Variants in PDZRN4 observed in about 807,000 individuals in gnomAD.
PDZRN4 encodes PDZ domain-containing RING finger protein 4.
A neutral mutation model predicts 99.0 loss-of-function variants in PDZRN4; 70 were observed. The ratio of observed to expected loss-of-function variants is 0.71; its 90% CI spans 0.58 to 0.86. The LOEUF is 0.86. Ranked by LOEUF, PDZRN4 falls within the 40% of genes least tolerant of loss-of-function variation. The pLI is 0.00. For missense variants in PDZRN4, 1,474 were observed against 1,331.2 expected, an observed-to-expected ratio of 1.11 and a Z score of -1.67; for synonymous variants, 551 against 501.6, an observed-to-expected ratio of 1.10 and a Z score of -1.32.
At chr12:41,455,010 A>G (rs1219559456) in intron 3 of PDZRN4, among the ~76,000 whole-genome samples, 1 of 152,246 alleles carries the variant, frequency 6.6e-6, no homozygotes, top group Non-Finnish European at 1.5e-5. Context: ...CAGTTGCCAC[A>G]TGTGGCTAGA....
chr12:41,571,632 A>AAAC (rs1939481834), intron 9 of PDZRN4, among the ~76,000 whole-genome samples: 1 of 152,108 alleles, frequency 6.6e-6, no homozygotes, highest in African/African-American at 2.4e-5. Context: ...TGCTTTTGAG[A>AAAC]AACATGATTT....
intron 5 of PDZRN4, among the ~76,000 whole-genome samples, chr12:41,538,298 T>C (rs1298027334): frequency 6.6e-6 from 1 of 152,308 alleles, no homozygotes; most frequent in East Asian, 1.9e-4. Context: ...AAGAATGAGG[T>C]TATGTTTTAC....
At chr12:41,394,837 CGA>C (rs141770387) in intron 3 of PDZRN4, among the ~76,000 whole-genome samples, 5 of 148,850 alleles carry the variant, frequency 3.4e-5, no homozygotes, top group Admixed American at 6.7e-5. Context: ...AAAGAGAGGG[CGA>C]GAGAGAGAGA....
At chr12:41,255,457 G>A (rs888169233) in intron 3 of PDZRN4, among the ~76,000 whole-genome samples, 1 of 151,846 alleles carries the variant, frequency 6.6e-6, no homozygotes, top group Non-Finnish European at 1.5e-5. Flanking sequence ...TTTTTGGTAA[G>A]GGTAGTAGGA....
At chr12:41,265,287 A>T (rs1189616276) in intron 3 of PDZRN4, among the ~76,000 whole-genome samples, 1 of 152,206 alleles carries the variant, frequency 6.6e-6, no homozygotes, top group African/African-American at 2.4e-5. Flanking sequence ...TAAATGCAAG[A>T]CTTCTACTGG....
intron 3 of PDZRN4, among the ~76,000 whole-genome samples, chr12:41,353,733 T>C (rs1951907819): frequency 6.6e-6 from 1 of 152,100 alleles, no homozygotes; most frequent in Non-Finnish European, 1.5e-5. Context: ...ATTTTCTAAA[T>C]CAATTCTCTT....
chr12:41,205,557 C>A (rs1950843540), intron 3 of PDZRN4, among the ~76,000 whole-genome samples: 1 of 152,024 alleles, frequency 6.6e-6, no homozygotes, highest in Non-Finnish European at 1.5e-5. Flanking sequence ...GGACTTCTCA[C>A]TGGAATTCTC....
intron 3 of PDZRN4, among the ~76,000 whole-genome samples, chr12:41,243,289 A>G (rs1951112184): frequency 6.6e-6 from 1 of 152,210 alleles, no homozygotes; most frequent in Admixed American, 6.5e-5. Context: ...TTTTACACAG[A>G]CATTACCCTT....
intron 3 of PDZRN4, among the ~76,000 whole-genome samples, chr12:41,447,146 T>C (rs990743958): frequency 2.0e-5 from 3 of 152,076 alleles, no homozygotes; most frequent in African/African-American, 7.2e-5. Context: ...TCATAGAATA[T>C]GTATAAATAT....
At chr12:41,285,405 C>T (rs113779064) in intron 3 of PDZRN4, among the ~76,000 whole-genome samples, 2,461 of 152,026 alleles carry the variant, frequency 0.016, 66 homozygotes, top group African/African-American at 0.057. Context: ...ACACTGTTGA[C>T]GAGAGTGTAA....
rs546813937 is a variant in PDZRN4 at position 41,387,148 on chromosome 12, C to T, written c.844-119308C>T. 8.5e-5 allele frequency among the ~76,000 whole-genome samples: 13 copies of T among 152,238 alleles called. No individual in the cohort carries two copies. The East Asian group carries it at 2.5e-3, about 29-fold the overall frequency. On this transcript the variant is annotated intron_variant, in intron 3 of 9. Transcript: ENST00000402685. Reference sequence around the variant, plus strand: ...ATCTAATTAAACTAAAGAGCTTCTGCACAGCAAAATGAACTATCAACAGAG... The same window carrying T: ...ATCTAATTAAACTAAAGAGCTTCTGTACAGCAAAATGAACTATCAACAGAG...
At chr12:41,370,685 G>C (rs928175176) in intron 3 of PDZRN4, among the ~76,000 whole-genome samples, 1 of 151,556 alleles carries the variant, frequency 6.6e-6, no homozygotes, top group Non-Finnish European at 1.5e-5. Context: ...ACTTCTTTTA[G>C]GTTTATACTA....
At chr12:41,558,156 C>T (rs1423087927) in intron 7 of PDZRN4, among the ~76,000 whole-genome samples, 1 of 152,176 alleles carries the variant, frequency 6.6e-6, no homozygotes, top group Non-Finnish European at 1.5e-5. Context: ...ACTTTGTTAA[C>T]ATCTCCAGTA....
intron 3 of PDZRN4, among the ~76,000 whole-genome samples, chr12:41,473,993 T>G (rs1056605158): frequency 6.6e-6 from 1 of 152,006 alleles, no homozygotes; most frequent in African/African-American, 2.4e-5. Flanking sequence ...AATGGCAAAA[T>G]AAAAGTTAAG....
At chr12:41,505,169 TGAC>T (rs915909418) in intron 3 of PDZRN4, among the ~76,000 whole-genome samples, 11 of 152,120 alleles carry the variant, frequency 7.2e-5, no homozygotes, top group Non-Finnish European at 1.2e-4. Flanking sequence ...TGCAACTCAG[TGAC>T]TTCTTTTGCT....
At chr12:41,481,816 C>T (rs908529936) in intron 3 of PDZRN4, among the ~76,000 whole-genome samples, 4 of 152,040 alleles carry the variant, frequency 2.6e-5, no homozygotes, top group African/African-American at 9.7e-5. Flanking sequence ...CAGACAGAAA[C>T]TAAATCTTAT....
intron 5 of PDZRN4, among the ~76,000 whole-genome samples, chr12:41,551,154 T>C (rs1478872031): frequency 1.3e-5 from 2 of 152,180 alleles, no homozygotes; most frequent in Admixed American, 6.6e-5. Context: ...CCAGGAGTTT[T>C]AGTGTCTGGT....
chr12:41,397,717 T>C (rs957087412), intron 3 of PDZRN4, among the ~76,000 whole-genome samples: 4 of 152,186 alleles, frequency 2.6e-5, no homozygotes, highest in Non-Finnish European at 4.4e-5. Context: ...AGAACAACTC[T>C]AGTTAATGGA....
intron 1 of PDZRN4, among the ~76,000 whole-genome samples, chr12:41,190,170 T>TAACTCAGTC (rs1381202164): frequency 6.6e-6 from 1 of 152,154 alleles, no homozygotes; most frequent in Non-Finnish European, 1.5e-5. Flanking sequence ...GACTGGCTGC[T>TAACTCAGTC]CCACACTGCC....
Sources: allele counts gnomAD v4.1 joint callset (sites outside exome capture counted in the v4.1 genomes callset), GRCh38; gene constraint gnomAD v4.1.1; transcripts MANE v1.5; gene names NCBI Gene and HGNC (gene_info 2026-07-23, HGNC 2026-07-21).